Variants in NDUFAF6 observed in about 807,000 individuals in gnomAD.
NDUFAF6 encodes the protein NADH:ubiquinone oxidoreductase complex assembly factor 6, also known as NADH dehydrogenase (ubiquinone) complex I, assembly factor 6.
A neutral mutation model predicts 40.8 loss-of-function variants in NDUFAF6; 45 were observed. The observed-to-expected ratio is 1.10, with a 90% CI of 0.87 to 1.42. The LOEUF is 1.42. Among genes scored for constraint, NDUFAF6 ranks in the 40% most tolerant of loss-of-function variants. The pLI is 0.00. For missense variants in NDUFAF6, 435 were observed against 418.5 expected (o/e 1.04, Z -0.34); for synonymous variants, 185 against 155.9 (o/e 1.19, Z -1.39).
chr8:94,972,519 C>A (rs112671774), intron 1 of NDUFAF6, among the ~76,000 whole-genome samples: 19,933 of 152,076 alleles, frequency 0.13, 1,641 homozygotes, highest in Middle Eastern at 0.23. Flanking sequence ...GATTACAGGC[C>A]TGAGCCACCA....
intron 1 of NDUFAF6, among the ~76,000 whole-genome samples, chr8:94,965,677 C>T (rs1468572292): frequency 2.6e-5 from 4 of 152,036 alleles, no homozygotes; most frequent in South Asian, 2.1e-4. Flanking sequence ...TTGGCCATGA[C>T]GGAATGATGG....
At chr8:94,931,983 G>A in intron 1 of NDUFAF6, 2 of 1,359,234 alleles carry the variant, frequency 1.5e-6, no homozygotes, top group Non-Finnish European at 2.0e-6. Flanking sequence ...AAAAAAGAAA[G>A]AAAGTCATTT....
chr8:94,949,927 C>G (rs918849123), intron 2 of NDUFAF6: 1 of 152,246 alleles, frequency 6.6e-6, no homozygotes. Flanking sequence ...CTGCTGGGCC[C>G]CAGATAGAGG....
At chr8:95,087,840 G>A (rs962110944) in intron 2 of NDUFAF6, 2 of 152,274 alleles carry the variant, frequency 1.3e-5, no homozygotes, top group African/African-American at 4.8e-5. Flanking sequence ...ACAACTTTCA[G>A]TCTTTCTTGC....
chr8:94,970,137 C>T (rs1038765315), intron 1 of NDUFAF6, among the ~76,000 whole-genome samples: 1 of 151,636 alleles, frequency 6.6e-6, no homozygotes, highest in Admixed American at 6.6e-5. Context: ...CACCTGTAGT[C>T]CCAGCTACTT....
chr8:95,100,270 A>G (rs1235945378), upstream of NDUFAF6: 1 of 152,130 alleles, frequency 6.6e-6, no homozygotes, highest in Non-Finnish European at 1.5e-5. Flanking sequence ...CAAAAAAAAA[A>G]AAAAATTAAA....
At chr8:94,961,451 T>C (rs1438129262) in intron 1 of NDUFAF6, among the ~76,000 whole-genome samples, 1 of 152,242 alleles carries the variant, frequency 6.6e-6, no homozygotes, top group Non-Finnish European at 1.5e-5. Flanking sequence ...AGACGGAGTC[T>C]CGCTCTGTCG....
chr8:94,970,084 G>A (rs575379870), intron 1 of NDUFAF6, among the ~76,000 whole-genome samples: 155 of 150,898 alleles, frequency 1.0e-3, no homozygotes, highest in Middle Eastern at 3.4e-3. Context: ...GTGAAACCCC[G>A]TCTCTACTAA....
At chr8:95,011,596 C>G (rs150762879) in intron 2 of NDUFAF6, among the ~76,000 whole-genome samples, 485 of 152,274 alleles carry the variant, frequency 3.2e-3, no homozygotes, top group African/African-American at 0.011. Flanking sequence ...GGTGTACACT[C>G]TTTTGACCTT....
chr8:95,102,471 AC>A (rs1275757768), intron 2 of NDUFAF6, among the ~76,000 whole-genome samples: 1 of 151,944 alleles, frequency 6.6e-6, no homozygotes, highest in Non-Finnish European at 1.5e-5. Context: ...CCCACTCCTG[AC>A]CCCCTGGGTT....
intron 1 of NDUFAF6, among the ~76,000 whole-genome samples, chr8:94,963,869 C>G (rs531623984): frequency 6.6e-6 from 1 of 152,228 alleles, no homozygotes; most frequent in Non-Finnish European, 1.5e-5. Context: ...AGTTAAGAAG[C>G]TCAGTGCACA....
intron 2 of NDUFAF6, among the ~76,000 whole-genome samples, chr8:94,949,847 T>C (rs1822417840): frequency 6.6e-6 from 1 of 152,088 alleles, no homozygotes; most frequent in African/African-American, 2.4e-5. Context: ...GGGCTGGGGC[T>C]AACGCCTCCG....
At chr8:95,021,555 C>T (rs767271348), upstream of NDUFAF6, among the ~76,000 whole-genome samples, 5 of 152,122 alleles carry the variant, frequency 3.3e-5, no homozygotes, top group Non-Finnish European at 7.3e-5. Context: ...GGTTGCTAGA[C>T]GAATCAGGAG....
Position 94,942,038 on chromosome 8 carries a change from CT to C in NDUFAF6, c.-935-3433del, listed in dbSNP as rs547276041. On this transcript the variant is annotated intron_variant, in intron 1 of 14. Transcript: ENST00000396113. ...AACACCCTAGCAGTCACCCTTCACG[CT>C]TTTTTTTTTTTGAGACGGAGTCTTT... 4.6e-3 allele frequency among the ~76,000 whole-genome samples: 660 copies of C among 143,966 alleles called. 3 individuals carry two copies. Among genetic ancestry groups the C allele is most frequent in the African/African-American group, 9.8e-3 (388 of 39,598 alleles). The allele number at this position is 143,966 out of a possible 152,430, so 94.4% of individuals were successfully genotyped here. A position where few individuals can be genotyped will look rare whatever the true frequency, so the allele number is the denominator to read the frequency against.
chr8:95,066,456 A>C (rs1441319700), intron 9 of NDUFAF6, among the ~76,000 whole-genome samples: 3 of 152,010 alleles, frequency 2.0e-5, no homozygotes, highest in Non-Finnish European at 4.4e-5. Flanking sequence ...TTAAAAAAAA[A>C]GTTCTCCTAA....
chr8:95,026,491 C>G (rs546268591), intron 1 of NDUFAF6, among the ~76,000 whole-genome samples: 8 of 152,094 alleles, frequency 5.3e-5, no homozygotes, highest in African/African-American at 1.9e-4. Flanking sequence ...TATTTCCTAC[C>G]TTATTTGTTG....
At chr8:94,940,047 A>G in intron 1 of NDUFAF6, 1 of 1,614,238 alleles carries the variant, frequency 6.2e-7, no homozygotes. Context: ...GTGATAAACC[A>G]GCTCTCCTCC....
At position 95,057,823 on chromosome 8, in the gene NDUFAF6, C is replaced by G; in HGVS notation, c.888C>G (p.Asp296Glu). The change falls in exon 9 of 9, where the codon GAC becomes GAG. Residue 296 changes from aspartate to glutamate, a missense_variant. By Grantham distance (45) the Asp-to-Glu change is conservative. Transcript: ENST00000396124. ...CTTTTTTCCAGGTTTCTCTAGAGGA[C>G]TTTCTAAAGAAAATTCAGCGAGTGG... ...PAFLQTVSLE[D>E]FLKKIQRVDF... 6.2e-7 allele frequency: 1 copy of G among 1,611,574 alleles called. No homozygotes were observed. Among genetic ancestry groups the G allele is most frequent in the Non-Finnish European group, 8.5e-7 (1 of 1,178,532 alleles).
chr8:94,992,397 G>A (rs1826234749), intron 2 of NDUFAF6, among the ~76,000 whole-genome samples: 1 of 152,132 alleles, frequency 6.6e-6, no homozygotes, highest in Non-Finnish European at 1.5e-5. Context: ...TGAGGCAAGA[G>A]AATCACTTGA....
Sources: gnomAD v4.1 joint callset for allele counts (sites outside exome capture counted in the v4.1 genomes callset) on GRCh38, gnomAD v4.1.1 for gene constraint, MANE v1.5 for transcripts, NCBI Gene and HGNC (gene_info 2026-07-23, HGNC 2026-07-21) for gene names.